Variants in PPFIA2 observed in about 807,000 individuals in gnomAD.
PPFIA2 encodes the protein PPFI scaffold protein A2.
PPFIA2 carries 46 observed loss-of-function variants against 175.5 expected under a neutral mutation model. The observed-to-expected ratio is 0.26, with a 90% CI of 0.21 to 0.34. The LOEUF (loss-of-function observed/expected upper bound fraction) is 0.34, where lower values mean the gene tolerates loss of function less well. PPFIA2 is among the 10% of genes least tolerant of loss of function. The pLI is 1.00. For missense variants in PPFIA2, 1,179 were observed against 1,506.1 expected (o/e 0.78, Z 3.60); for synonymous variants, 568 against 511.4 (o/e 1.11, Z -1.49).
At chr12:81,293,632 GA>G (rs549300759) in intron 24 of PPFIA2, among the ~76,000 whole-genome samples, 10 of 146,426 alleles carry the variant, frequency 6.8e-5, no homozygotes, top group Admixed American at 2.7e-4. Flanking sequence ...AAAAAGTTAA[GA>G]AAAAAAAAAG....
At chr12:81,651,187 A>G (rs965348013) in intron 4 of PPFIA2, among the ~76,000 whole-genome samples, 1 of 152,152 alleles carries the variant, frequency 6.6e-6, no homozygotes, top group African/African-American at 2.4e-5. Flanking sequence ...AGCATAGGGG[A>G]CATTCCAAAG....
chr12:81,353,174 G>A lies in PPFIA2; in HGVS notation c.1939C>T (p.Gln647Ter). The change falls in exon 17 of 33, where the codon CAG (glutamine) becomes TAG (stop). Residue 647 changes from glutamine (Q) to a stop codon, truncating the protein, a stop_gained. Transcript: ENST00000549396. LOFTEE classifies it high-confidence loss of function. ...LLSPSGHSDAQTLAMMLQEQL... is the reference protein window; with the variant it reads ...LLSPSGHSDA The stretch of plus-strand genomic sequence containing the variant: ...TCCTGAAGCATCATGGCTAGCGTCT[G>A]GGCATCGGAATGACCACTTGGAGAG... 1 of 1,613,800 alleles carries A rather than the reference G, an allele frequency of 6.2e-7. No individual in the cohort carries two copies. The highest frequency in any genetic ancestry group is 8.5e-7 in the Non-Finnish European group (1 of 1,179,818).
At chr12:81,582,589 T>C (rs916046369) in intron 4 of PPFIA2, among the ~76,000 whole-genome samples, 16 of 151,866 alleles carry the variant, frequency 1.1e-4, no homozygotes, top group Non-Finnish European at 2.1e-4. Context: ...TCTACAATGG[T>C]TGATGTGCTC....
At chr12:81,550,617 T>C (rs1567290539) in intron 4 of PPFIA2, among the ~76,000 whole-genome samples, 1 of 152,034 alleles carries the variant, frequency 6.6e-6, no homozygotes, top group South Asian at 2.1e-4. Context: ...CAGAACAGCA[T>C]TAAAATATCC....
intron 2 of PPFIA2, among the ~76,000 whole-genome samples, chr12:81,757,956 C>G (rs1465463180): frequency 4.6e-5 from 7 of 152,186 alleles, no homozygotes; most frequent in South Asian, 4.1e-4. Flanking sequence ...TGAGAGAAAT[C>G]CTAGCCATTG....
At chr12:81,615,291 C>T (rs974523723) in intron 4 of PPFIA2, among the ~76,000 whole-genome samples, 4 of 152,184 alleles carry the variant, frequency 2.6e-5, no homozygotes, top group Non-Finnish European at 5.9e-5. Context: ...AATTCAAGTG[C>T]TCACTCTTGC....
In PPFIA2 at chr12:81,616,151, A is replaced by T. The variant is rs1001320490; in HGVS notation, c.303+60640T>A. The stretch of plus-strand genomic sequence containing the variant: ...GGATGTTTAAGAAGTGAAGGATTCA[A>T]TTCAAGGCTTCAGCATCCTTCTCTG... On this transcript the variant is annotated intron_variant, in intron 4 of 32. Coordinates refer to ENST00000549396, the MANE Select transcript of PPFIA2 (RefSeq NM_003625.5). 2.0e-5 allele frequency among the ~76,000 whole-genome samples: 3 copies of T among 152,122 alleles called. No homozygotes were observed. The South Asian group carries it at 6.2e-4, about 32-fold the overall frequency.
At position 81,394,292 on chromosome 12, in the gene PPFIA2, A is replaced by T. The variant is rs1049832728; in HGVS notation, c.763-10048T>A. Among the ~76,000 whole-genome samples, 7 of 152,010 alleles carry T rather than the reference A, an allele frequency of 4.6e-5. No individual in the cohort carries two copies. In the East Asian group the frequency reaches 1.4e-3, roughly 29 times the overall value. ...TGTTACTTGGATTACTTGGGCTCTT[A>T]TATATTTTAGATAGTCAAAAAAGAG... On this transcript the variant is annotated intron_variant, in intron 8 of 32. Coordinates refer to ENST00000549396, the MANE Select transcript of PPFIA2 (RefSeq NM_003625.5).
In PPFIA2 at chr12:81,430,058, A is replaced by G. The variant is rs988191908; in HGVS notation, c.645+9914T>C. ...TGAAAAAGAAATCCTCTCCAAATCA[A>G]TATCTTCATTCATCACTACACTACA... On this transcript the variant is annotated intron_variant, in intron 7 of 32. Coordinates refer to ENST00000549396, the MANE Select transcript of PPFIA2 (RefSeq NM_003625.5). The G allele has an allele frequency of 2.6e-5, 4 of 152,144 alleles. No individual in the cohort carries two copies. In the East Asian group the frequency reaches 7.7e-4, roughly 29 times the overall value. The allele number at this position is 152,144 out of a possible 1,614,324, so 9.4% of individuals were successfully genotyped here.
rs577775597 is a variant in PPFIA2 at position 81,473,566 on chromosome 12, TATC to T, written c.304-15703_304-15701del. Among the ~76,000 whole-genome samples, 176 of 152,332 alleles carry T rather than the reference TATC, an allele frequency of 1.2e-3. 1 individual carries two copies. The highest frequency in any genetic ancestry group is 4.1e-3 in the African/African-American group (171 of 41,576). ...TACTCCTTCGCCTGAGACATGAAAT[TATC>T]ATGACATTTTTCCTGAAGCAGCCGC... is the stretch of plus-strand genomic sequence containing the variant. On this transcript the variant is annotated intron_variant, in intron 4 of 32. Coordinates refer to ENST00000549396, the MANE Select transcript of PPFIA2 (RefSeq NM_003625.5).
chr12:81,603,967 G>A (rs2060043496), intron 4 of PPFIA2, among the ~76,000 whole-genome samples: 1 of 151,332 alleles, frequency 6.6e-6, no homozygotes, highest in South Asian at 2.1e-4. Context: ...AATTTGCCTG[G>A]TATTGTTTCC....
At chr12:81,521,737 G>C (rs2063166039) in intron 4 of PPFIA2, among the ~76,000 whole-genome samples, 1 of 151,098 alleles carries the variant, frequency 6.6e-6, no homozygotes, top group South Asian at 2.1e-4. Context: ...GGAGAATGGC[G>C]TGAACACGGG....
At chr12:81,589,466 A>C (rs1443272345) in intron 4 of PPFIA2, among the ~76,000 whole-genome samples, 4 of 152,152 alleles carry the variant, frequency 2.6e-5, no homozygotes, top group Non-Finnish European at 5.9e-5. Flanking sequence ...AAATACTATC[A>C]GTAACGACTA....
chr12:81,352,436 C>A (rs866776058), intron 17 of PPFIA2, among the ~76,000 whole-genome samples: 42 of 150,946 alleles, frequency 2.8e-4, no homozygotes, highest in South Asian at 1.3e-3. Flanking sequence ...AATGTTCTAT[C>A]TCTCTCTCTC....
chr12:81,563,780 TA>T, intron 4 of PPFIA2, among the ~76,000 whole-genome samples: 3 of 152,318 alleles, frequency 2.0e-5, no homozygotes. Context: ...TTAAAAGATA[TA>T]AAGCCATTAT....
intron 4 of PPFIA2, among the ~76,000 whole-genome samples, chr12:81,570,409 A>G (rs2072282926): frequency 6.6e-6 from 1 of 152,264 alleles, no homozygotes; most frequent in Non-Finnish European, 1.5e-5. Context: ...AGAGAAAGAC[A>G]AGTGCTGTGT....
intron 4 of PPFIA2, among the ~76,000 whole-genome samples, chr12:81,592,361 T>C (rs1474879296): frequency 1.3e-5 from 2 of 152,138 alleles, no homozygotes; most frequent in Non-Finnish European, 2.9e-5. Flanking sequence ...TGGGGGACTG[T>C]TGGGAAGGCA....
intron 2 of PPFIA2, 50 bp from the exon 3 acceptor site, chr12:81,754,273 T>A: frequency 6.5e-7 from 1 of 1,533,586 alleles, no homozygotes; most frequent in Non-Finnish European, 8.8e-7. Flanking sequence ...TGATTTCCAA[T>A]AATTTCATTT....
At chr12:81,297,567 A>G (rs1181461729) in intron 23 of PPFIA2, among the ~76,000 whole-genome samples, 1 of 152,200 alleles carries the variant, frequency 6.6e-6, no homozygotes, top group Non-Finnish European at 1.5e-5. Context: ...CAGGTACATT[A>G]TATATGACAG....
Sources: allele counts gnomAD v4.1 joint callset (sites outside exome capture counted in the v4.1 genomes callset), GRCh38; gene constraint gnomAD v4.1.1; transcripts MANE v1.5; gene names NCBI Gene and HGNC (gene_info 2026-07-23, HGNC 2026-07-21).